MACROD1: variants seen among roughly 807,000 people sequenced by gnomAD.
The protein encoded by MACROD1 is ADP-ribose glycohydrolase MACROD1.
In MACROD1, 31 loss-of-function variants were observed where a neutral mutation model predicts 41.4. The observed-to-expected ratio is 0.75, with a 90% confidence interval of 0.56 to 1.01. The LOEUF is 1.01. MACROD1 is among the 50% of genes least tolerant of loss of function. The pLI, the probability that MACROD1 is intolerant of heterozygous loss-of-function variation, is 0.00. For synonymous variants in MACROD1, 252 were observed against 203.4 expected, an observed-to-expected ratio of 1.24 and a Z score of -2.03; for missense variants, 473 against 460.0, an observed-to-expected ratio of 1.03 and a Z score of -0.26.
Position 64,152,275 on chromosome 11 carries a change from C to T in MACROD1, c.400+17G>A, listed in dbSNP as rs376029064. On this transcript the variant is annotated intron_variant, in intron 2 of 10. Coordinates refer to ENST00000255681, the MANE Select transcript of MACROD1 (RefSeq NM_014067.4). ...TCTGGAGCCTGCCCACCAGGGCCTC[C>T]CCCGAGCAGGGCCTACCTTTCGCCA... 1.2e-6 allele frequency: 2 copies of T among 1,612,750 alleles called. No individual in the cohort carries two copies. Among genetic ancestry groups the T allele is most frequent in the African/African-American group, 2.7e-5 (2 of 74,914 alleles).
chr11:64,018,229 G>A (rs533252783), intron 3 of MACROD1, among the ~76,000 whole-genome samples: 7 of 152,252 alleles, frequency 4.6e-5, no homozygotes, highest in East Asian at 3.9e-4. Context: ...TGGGTGCCCC[G>A]GGAGGCCAGT....
At chr11:64,068,148 T>C (rs1213403885) in intron 3 of MACROD1, among the ~76,000 whole-genome samples, 4 of 152,372 alleles carry the variant, frequency 2.6e-5, no homozygotes, top group Admixed American at 6.5e-5. Flanking sequence ...CATTAAGATA[T>C]GGCGTTCAAA....
intron 3 of MACROD1, among the ~76,000 whole-genome samples, chr11:64,094,620 C>T (rs907169768): frequency 1.3e-5 from 2 of 152,136 alleles, no homozygotes; most frequent in African/African-American, 2.4e-5. Flanking sequence ...CATTGGGTCG[C>T]GTACGTCATG....
At chr11:64,117,651 T>C in intron 3 of MACROD1, 1 of 1,613,724 alleles carries the variant, frequency 6.2e-7, no homozygotes, top group Non-Finnish European at 8.5e-7. Context: ...GCTCCCCGCC[T>C]CCTCTTTCCG....
chr11:64,055,272 C>T (rs1195042196), intron 3 of MACROD1, among the ~76,000 whole-genome samples: 1 of 152,246 alleles, frequency 6.6e-6, no homozygotes, highest in Non-Finnish European at 1.5e-5. Context: ...TTGAGCGGGA[C>T]ACCATGCAGT....
In MACROD1 at chr11:63,998,824, G is replaced by A. The variant is rs756354648; in HGVS notation, c.*30+14C>T. 3 of 1,549,748 alleles carry A rather than the reference G, an allele frequency of 1.9e-6. No individual in the cohort carries two copies. Among genetic ancestry groups the A allele is most frequent in the African/African-American group, 1.4e-5 (1 of 73,456 alleles). ...TAGGGCCGGGGCCGCCGCACGGGGC[G>A]AGGCCCTGCTTACCAGTCCCGGTCA... is the stretch of plus-strand genomic sequence containing the variant. On this transcript the variant is annotated intron_variant, in intron 10 of 10. Transcript: ENST00000255681.
chr11:64,035,352 G>A (rs1195058956), intron 3 of MACROD1, among the ~76,000 whole-genome samples: 1 of 152,196 alleles, frequency 6.6e-6, no homozygotes, highest in Admixed American at 6.5e-5. Context: ...TGCAGAGTAG[G>A]CGGTGGGTAC....
intron 3 of MACROD1, among the ~76,000 whole-genome samples, chr11:64,044,654 G>A (rs968216374): frequency 3.3e-5 from 5 of 152,160 alleles, no homozygotes; most frequent in Non-Finnish European, 5.9e-5. Flanking sequence ...GGGGAACCAC[G>A]TTCATTAGGG....
At chr11:64,013,303 A>G (rs1179846227) in intron 4 of MACROD1, among the ~76,000 whole-genome samples, 1 of 152,088 alleles carries the variant, frequency 6.6e-6, no homozygotes, top group Non-Finnish European at 1.5e-5. Context: ...GGGGCAGGGG[A>G]GGCAGCTGCA....
In MACROD1 at chr11:64,082,430, AG is replaced by A. The variant is rs558514860; in HGVS notation, c.518-67150del. Among the ~76,000 whole-genome samples the A allele has an allele frequency of 1.7e-3, 254 of 151,942 alleles. 1 individual carries two copies. Among genetic ancestry groups the A allele is most frequent in the Non-Finnish European group, 3.0e-3 (205 of 67,930 alleles). On this transcript the variant is annotated intron_variant, in intron 3 of 10. Transcript: ENST00000255681. The surrounding 1 kb of genome is among the most constrained non-coding windows in gnomAD (Gnocchi z 4.5). ...GTGGGGGCGTCCTAAGGTGAGGGGCAGGCAGGTGAGGGGCTTGAGGGCAGGG... is the reference window on the plus strand; with the variant it reads ...GTGGGGGCGTCCTAAGGTGAGGGGCAGCAGGTGAGGGGCTTGAGGGCAGGG...
chr11:64,060,737 G>A (rs1280110662), intron 3 of MACROD1: 6 of 152,282 alleles, frequency 3.9e-5, no homozygotes, highest in South Asian at 2.1e-4. Context: ...GCTCTGTGCC[G>A]AGCCCACTGT....
At chr11:64,045,089 C>G (rs1344194353) in intron 3 of MACROD1, among the ~76,000 whole-genome samples, 1 of 152,214 alleles carries the variant, frequency 6.6e-6, no homozygotes, top group African/African-American at 2.4e-5. Flanking sequence ...TGAGGGGGAG[C>G]AGTCCGGGTG....
intron 4 of MACROD1, among the ~76,000 whole-genome samples, chr11:64,010,798 G>C (rs1164850744): frequency 6.9e-6 from 1 of 144,392 alleles, no homozygotes; most frequent in Non-Finnish European, 1.5e-5. Flanking sequence ...TGGGATGTTG[G>C]CTGGCATGTT....
At chr11:64,139,486 C>A (rs905354925) in intron 3 of MACROD1, among the ~76,000 whole-genome samples, 1 of 152,174 alleles carries the variant, frequency 6.6e-6, no homozygotes, top group Non-Finnish European at 1.5e-5. Context: ...GGACGGAGAC[C>A]CAGAGTCCAT....
chr11:64,130,473 C>A (rs1945249707), intron 3 of MACROD1, among the ~76,000 whole-genome samples: 1 of 152,142 alleles, frequency 6.6e-6, no homozygotes, highest in South Asian at 2.1e-4. Flanking sequence ...CCTCACCGAG[C>A]AACCTGAAGA....
chr11:64,025,407 C>T (rs1025556104), intron 3 of MACROD1, among the ~76,000 whole-genome samples: 1 of 152,196 alleles, frequency 6.6e-6, no homozygotes, highest in Non-Finnish European at 1.5e-5. Context: ...ATAGGCGGCT[C>T]CTCAGCTGCC....
chr11:64,041,716 A>G (rs1191599602), intron 3 of MACROD1, among the ~76,000 whole-genome samples: 1 of 152,188 alleles, frequency 6.6e-6, no homozygotes, highest in African/African-American at 2.4e-5. Flanking sequence ...GAGCTCTCTC[A>G]AGCGACATAG....
At chr11:64,129,605 C>G (rs1168891530) in intron 3 of MACROD1, among the ~76,000 whole-genome samples, 1 of 152,142 alleles carries the variant, frequency 6.6e-6, no homozygotes, top group Non-Finnish European at 1.5e-5. Context: ...CAGGGAGGCC[C>G]AGGTTCTTGG....
At chr11:64,047,749 T>C (rs1481077332) in intron 3 of MACROD1, among the ~76,000 whole-genome samples, 1 of 151,622 alleles carries the variant, frequency 6.6e-6, no homozygotes, top group Non-Finnish European at 1.5e-5. Context: ...ATACAAAAAT[T>C]AGCTGGGCAT....
Sources: allele counts gnomAD v4.1 joint callset (sites outside exome capture counted in the v4.1 genomes callset), GRCh38; gene constraint gnomAD v4.1.1; non-coding constraint Gnocchi (gnomAD v3.1); transcripts MANE v1.5; gene names NCBI Gene and HGNC (gene_info 2026-07-23, HGNC 2026-07-21).